P2RX4: variants seen among roughly 807,000 people sequenced by gnomAD.
The protein encoded by P2RX4 is P2X purinoceptor 4.
Under a neutral mutation model 48.0 loss-of-function variants are expected in P2RX4, and 37 were observed. That is an observed-to-expected ratio of 0.77 (90% confidence interval 0.59 to 1.01). The LOEUF is 1.01. Ranked by LOEUF, P2RX4 falls within the 50% of genes least tolerant of loss-of-function variation. P2RX4 has a pLI of 0.00. For missense variants in P2RX4, 501 were observed against 521.4 expected, an observed-to-expected ratio of 0.96 and a Z score of 0.38; for synonymous variants, 200 against 199.7, an observed-to-expected ratio of 1.00 and a Z score of -0.01.
chr12:121,228,783 A>G lies in P2RX4; in HGVS notation c.664A>G (p.Lys222Glu), dbSNP rs780824893. The G allele has an allele frequency of 6.2e-7, 1 of 1,614,104 alleles. No homozygotes were observed. Among genetic ancestry groups the G allele is most frequent in the South Asian group, 1.1e-5 (1 of 91,080 alleles). The change falls in exon 7 of 12, where the codon AAA (lysine) becomes GAA (glutamate). Residue 222 changes from lysine to glutamate, a missense_variant. Physicochemically the swap from Lys to Glu is moderately conservative, Grantham distance 56. This residue lies in a region of P2RX4 where 9 missense variants were observed against 26.6 expected (regional missense o/e 0.34). Transcript: ENST00000337233. ...TYLKSCIYDAKTDPFCPIFRL... is the reference protein window; with the variant it reads ...TYLKSCIYDAETDPFCPIFRL... ...CCTCAAGTCGTGCATTTATGATGCT[A>G]AAACAGATCCCTTCTGCCCCATATT...
chr12:121,228,794 C>A lies in P2RX4; in HGVS notation c.675C>A (p.Pro225=), dbSNP rs749838226. 1 of 1,614,064 alleles carries A rather than the reference C, an allele frequency of 6.2e-7. No individual in the cohort carries two copies. Among genetic ancestry groups the A allele is most frequent in the African/African-American group, 1.3e-5 (1 of 74,936 alleles). Residue 225 remains proline, a synonymous_variant, in exon 7 of 12, where the codon CCC becomes CCA. Transcript: ENST00000337233. Reference sequence around the variant, plus strand: ...GCATTTATGATGCTAAAACAGATCCCTTCTGCCCCATATTCCGTCTTGGCA... The same window carrying A: ...GCATTTATGATGCTAAAACAGATCCATTCTGCCCCATATTCCGTCTTGGCA... ...KSCIYDAKTD[P]FCPIFRLGKI...
intron 4 of P2RX4, chr12:121,222,407 T>G: frequency 1.8e-6 from 1 of 540,758 alleles, no homozygotes; most frequent in East Asian, 3.0e-5. Context: ...TGTTTTTTTT[T>G]TTGTTTTGTT....
At chr12:121,214,307 G>A (rs1229897668) in intron 1 of P2RX4, 1 of 152,028 alleles carries the variant, frequency 6.6e-6, no homozygotes, top group African/African-American at 2.4e-5. Flanking sequence ...CTTTAAAGCA[G>A]TAAATGCTTT....
rs186103833 is a variant in P2RX4, at chr12:121,233,853, G to A, written c.*304G>A. 3.4e-4 allele frequency: 169 copies of A among 495,248 alleles called. 2 individuals are homozygous for A. The East Asian group carries it at 6.4e-3, about 19-fold the overall frequency. The allele number at this position is 495,248 out of a possible 1,614,324, so 30.7% of individuals were successfully genotyped here. On this transcript the variant is annotated 3_prime_UTR_variant, in exon 12 of 12. Coordinates refer to ENST00000337233, the MANE Select transcript of P2RX4 (RefSeq NM_002560.3). Reference sequence around the variant, plus strand: ...GCTGTGGCTTTCAGGGCTGGAGCTGGCTTTGCTCAGAAGCCTCCTGTCTCC... The same window carrying A: ...GCTGTGGCTTTCAGGGCTGGAGCTGACTTTGCTCAGAAGCCTCCTGTCTCC...
chr12:121,212,816 A>ATTTTTTT (rs1266371217), intron 1 of P2RX4: 4 of 32,760 alleles, frequency 1.2e-4, no homozygotes, highest in African/African-American at 4.3e-4. Flanking sequence ...ATATATATAT[A>ATTTTTTT]TATATATATT....
In P2RX4 at chr12:121,232,495, T is replaced by G. The variant is rs1566012874; in HGVS notation, c.966T>G (p.Ile322Met). ...CCTATGGCATCCGCTTCGACATCATTGTGTTTGGGAAGGTAGCTCGCCGCC... is the reference window on the plus strand; with the variant it reads ...CCTATGGCATCCGCTTCGACATCATGGTGTTTGGGAAGGTAGCTCGCCGCC... ...IKAYGIRFDI[I>M]VFGKAGKFDI... Residue 322 changes from isoleucine to methionine, a missense_variant, in exon 9 of 12, where the codon ATT becomes ATG. Coordinates refer to ENST00000337233, the MANE Select transcript of P2RX4 (RefSeq NM_002560.3). The surrounding 1 kb of genome is among the most constrained non-coding windows in gnomAD (Gnocchi z 4.3). 1 of 1,613,526 alleles carries G rather than the reference T, an allele frequency of 6.2e-7. No individual in the cohort carries two copies. Among genetic ancestry groups the G allele is most frequent in the South Asian group, 1.1e-5 (1 of 91,000 alleles).
In P2RX4 at chr12:121,232,287, C is replaced by T. The variant is rs1465687146; in HGVS notation, c.885-127C>T. ...GCCTCAGCCAGGAGAGGCCCCGAGC[C>T]GCTCCAGCGTCCATTCAGCCGGCAG... On this transcript the variant is annotated intron_variant, in intron 8 of 11. Coordinates refer to ENST00000337233, the MANE Select transcript of P2RX4 (RefSeq NM_002560.3). The surrounding 1 kb of genome is among the most constrained non-coding windows in gnomAD (Gnocchi z 4.3). 6 of 698,018 alleles carry T rather than the reference C, an allele frequency of 8.6e-6. No individual in the cohort carries two copies. The highest frequency in any genetic ancestry group is 5.3e-5 in the East Asian group (2 of 37,818). The allele number at this position is 698,018 out of a possible 1,614,324, so 43.2% of individuals were successfully genotyped here.
intron 11 of P2RX4, 25 bp from the exon 12 acceptor site, chr12:121,233,498 G>T (rs375245618): frequency 1.9e-6 from 3 of 1,602,192 alleles, no homozygotes; most frequent in Non-Finnish European, 2.6e-6. Context: ...GGGGCACCTT[G>T]ATCTGCTTGT....
Position 121,233,078 on chromosome 12 carries a change from G to GA in P2RX4, c.1128dup (p.Asp377ArgfsTer8), listed in dbSNP as rs759730239. The GA allele has an allele frequency of 2.9e-5, 46 of 1,610,724 alleles. No homozygotes were observed. The African/African-American group carries it at 4.1e-4, about 15-fold the overall frequency. On this transcript the variant is annotated frameshift_variant, in exon 11 of 12. Coordinates refer to ENST00000337233, the MANE Select transcript of P2RX4 (RefSeq NM_002560.3). LOFTEE classifies it high-confidence loss of function. ...TCGGGAGAAGAAATATAAATATGTG[G>GA]AAGATTACGAGCAGGTAGGCCCCTC...
rs25642 is a variant in P2RX4, at chr12:121,222,114, G to A, written c.375G>A (p.Val125=). ...TCCAGATTCCAGATGCGACCACTGT[G>A]TGTAAATCAGATGCCAGCTGTACTG... is the stretch of plus-strand genomic sequence containing the variant. The part of the protein sequence containing the change: ...LCPEIPDATT[V]CKSDASCTAG... Residue 125 remains valine, a synonymous_variant, in exon 4 of 12, where the codon GTG becomes GTA. Transcript: ENST00000337233. 86,870 of 1,607,332 alleles carry A rather than the reference G, an allele frequency of 0.054. 2,978 individuals are homozygous for A. Among genetic ancestry groups the A allele is most frequent in the South Asian group, 0.12 (10,737 of 90,988 alleles).
intron 8 of P2RX4, among the ~76,000 whole-genome samples, chr12:121,230,983 T>TATATA (rs1555238275): frequency 0.023 from 2,964 of 130,012 alleles, 41 homozygotes; most frequent in East Asian, 0.057. Flanking sequence ...TATATATATA[T>TATATA]TTTTTTTTTT....
At chr12:121,215,248 A>G (rs1460302889) in intron 1 of P2RX4, 1 of 152,152 alleles carries the variant, frequency 6.6e-6, no homozygotes, top group Non-Finnish European at 1.5e-5. Flanking sequence ...TTTGACCTAC[A>G]TTAATTCTTT....
rs1379303445 is a variant in P2RX4, at chr12:121,233,681, G to C, written c.*132G>C. ...GAGTCTCCACTCCACAAGCACTCAG[G>C]GTTCCCCAGCAGCTCCTGTGTGTTG... On this transcript the variant is annotated 3_prime_UTR_variant, in exon 12 of 12. Transcript: ENST00000337233. 3.9e-6 allele frequency: 6 copies of C among 1,536,190 alleles called. No individual in the cohort carries two copies. Among genetic ancestry groups the C allele is most frequent in the Non-Finnish European group, 5.3e-6 (6 of 1,138,870 alleles).
At chr12:121,230,898 GCT>G (rs914297550) in intron 8 of P2RX4, among the ~76,000 whole-genome samples, 26 of 148,000 alleles carry the variant, frequency 1.8e-4, no homozygotes, top group Non-Finnish European at 2.7e-4. Context: ...TCGCGTGCTC[GCT>G]CTCTCTCTCT....
chr12:121,222,537 C>T (rs957463113), intron 4 of P2RX4: 5 of 441,034 alleles, frequency 1.1e-5, no homozygotes, highest in Admixed American at 2.7e-5. Flanking sequence ...CTCAGCCTCC[C>T]GAGTAGCTGG....
chr12:121,222,966 C>T lies in P2RX4; in HGVS notation c.447C>T (p.Cys149=), dbSNP rs765745873. 7.4e-6 allele frequency: 12 copies of T among 1,612,780 alleles called. No homozygotes were observed. Among genetic ancestry groups the T allele is most frequent in the African/African-American group, 1.3e-5 (1 of 74,892 alleles). ...TTGTAGGAGTCTCAACAGGCAGGTG[C>T]GTAGCTTTCAACGGGTCTGTCAAGA... ...THSNGVSTGR[C]VAFNGSVKTC... Residue 149 remains cysteine, a synonymous_variant, in exon 5 of 12, where the codon TGC becomes TGT. Coordinates refer to ENST00000337233, the MANE Select transcript of P2RX4 (RefSeq NM_002560.3).
At chr12:121,215,927 A>G (rs1886200220) in intron 1 of P2RX4, 1 of 152,158 alleles carries the variant, frequency 6.6e-6, no homozygotes, top group Admixed American at 6.5e-5. Flanking sequence ...TTGGGGGAAA[A>G]GTAAGAAACT....
chr12:121,216,291 C>G (rs1886223780), intron 1 of P2RX4: 1 of 152,514 alleles, frequency 6.6e-6, no homozygotes, highest in South Asian at 2.1e-4. Flanking sequence ...AATCCTGACT[C>G]TGCCACTCAC....
rs1208109029 is a variant in P2RX4 at position 121,233,828 on chromosome 12, G to A, written c.*279G>A. 4 of 588,146 alleles carry A rather than the reference G, an allele frequency of 6.8e-6. No homozygotes were observed. The highest frequency in any genetic ancestry group is 3.2e-5 in the Admixed American group (1 of 31,646). 36.4% of individuals were successfully genotyped at this position (588,146 alleles called of 1,614,324 possible). The stretch of plus-strand genomic sequence containing the variant: ...AGCGCTGGCCCGACGCAGTGGCACT[G>A]CTGTGGCTTTCAGGGCTGGAGCTGG... On this transcript the variant is annotated 3_prime_UTR_variant, in exon 12 of 12. Coordinates refer to ENST00000337233, the MANE Select transcript of P2RX4 (RefSeq NM_002560.3).
Sources: allele counts gnomAD v4.1 joint callset (sites outside exome capture counted in the v4.1 genomes callset), GRCh38; gene constraint gnomAD v4.1.1; regional missense constraint gnomAD v4.1.1; non-coding constraint Gnocchi (gnomAD v3.1); transcripts MANE v1.5; gene names NCBI Gene and HGNC (gene_info 2026-07-23, HGNC 2026-07-21).